Variants in LOXL2 observed in about 807,000 individuals in gnomAD.
LOXL2 encodes the protein lysyl oxidase homolog 2.
LOXL2 carries 70 observed loss-of-function variants against 93.0 expected under a neutral mutation model. The observed-to-expected ratio is 0.75, with a 90% confidence interval of 0.62 to 0.92. The LOEUF is 0.92. Among genes scored for constraint, LOXL2 ranks in the 40% least tolerant of loss-of-function variants. The pLI, the probability that LOXL2 is intolerant of heterozygous loss-of-function variation, is 0.00. For missense variants in LOXL2, 973 were observed against 1,054.9 expected (o/e 0.92, Z 1.08); for synonymous variants, 438 against 413.2 (o/e 1.06, Z -0.73).
chr8:23,330,031 A>C (rs1037198778), intron 5 of LOXL2, among the ~76,000 whole-genome samples: 2 of 152,190 alleles, frequency 1.3e-5, no homozygotes, highest in African/African-American at 4.8e-5. Context: ...GCTTTAAAAA[A>C]AAACCCAAAC....
Position 23,300,657 on chromosome 8 carries a change from G to A in LOXL2, c.2133+1370C>T, listed in dbSNP as rs560047968. Among the ~76,000 whole-genome samples, 18 of 152,314 alleles carry A rather than the reference G, an allele frequency of 1.2e-4. No individual in the cohort carries two copies. The East Asian group carries it at 3.5e-3, about 29-fold the overall frequency. On this transcript the variant is annotated intron_variant, in intron 12 of 13. Coordinates refer to ENST00000389131, the MANE Select transcript of LOXL2 (RefSeq NM_002318.3). Reference sequence around the variant, plus strand: ...CCATTTGCTAATTGTATTGTTTAGGGGTTGAGAAAACAAAATAAAGAGTTG... The same window carrying A: ...CCATTTGCTAATTGTATTGTTTAGGAGTTGAGAAAACAAAATAAAGAGTTG...
At chr8:23,386,270 G>C (rs1344664247) in intron 1 of LOXL2, among the ~76,000 whole-genome samples, 1 of 152,192 alleles carries the variant, frequency 6.6e-6, no homozygotes. Context: ...GCACACACCT[G>C]TAATCCCAGC....
chr8:23,388,698 A>G (rs1035978784), intron 1 of LOXL2, among the ~76,000 whole-genome samples: 1 of 152,046 alleles, frequency 6.6e-6, no homozygotes, highest in Non-Finnish European at 1.5e-5. Context: ...TCCAAAGAAT[A>G]TACAATATTA....
At chr8:23,402,943 G>A (rs1310741884) in intron 1 of LOXL2, among the ~76,000 whole-genome samples, 2 of 152,018 alleles carry the variant, frequency 1.3e-5, no homozygotes, top group Admixed American at 6.6e-5. Flanking sequence ...CGTGTTCTGC[G>A]GTGTTCTCTT....
chr8:23,368,079 G>A lies in LOXL2; in HGVS notation c.273C>T (p.His91=), dbSNP rs200700018. 2.9e-5 allele frequency: 47 copies of A among 1,614,060 alleles called. No homozygotes were observed. The highest frequency in any genetic ancestry group is 1.1e-4 in the East Asian group (5 of 44,876). ...GTVCDDDFSI[H]AAHVVCRELG... ...GCTCCCGGCAGACGACGTGGGCAGC[G>A]TGGATGGAGAAGTCGTCATCGCACA... Residue 91 remains histidine (H), a synonymous_variant, in exon 2 of 14, where the codon CAC becomes CAT. Coordinates refer to ENST00000389131, the MANE Select transcript of LOXL2 (RefSeq NM_002318.3).
chr8:23,393,102 A>G (rs560577522), intron 1 of LOXL2, among the ~76,000 whole-genome samples: 9 of 152,218 alleles, frequency 5.9e-5, no homozygotes, highest in Non-Finnish European at 1.2e-4. Context: ...CATGGACTGG[A>G]AGACTTAAAT....
chr8:23,301,643 G>A (rs1167929970), intron 12 of LOXL2, among the ~76,000 whole-genome samples: 1 of 152,184 alleles, frequency 6.6e-6, no homozygotes, highest in Non-Finnish European at 1.5e-5. Flanking sequence ...AGGCAGCCTA[G>A]GGCACTAGGA....
At chr8:23,402,953 T>C (rs73671447) in intron 1 of LOXL2, among the ~76,000 whole-genome samples, 4,090 of 152,132 alleles carry the variant, frequency 0.027, 205 homozygotes, top group African/African-American at 0.093. Flanking sequence ...GGTGTTCTCT[T>C]CCTCACACCC....
chr8:23,309,730 A>G lies in LOXL2; in HGVS notation c.1818T>C (p.Asn606=), dbSNP rs751671895. ...TCTTGGGCCGGAAGTCGGACTGGCC[A>G]TTGTTGTGGATCTGGGAGGAGAAGC... ...LLRFSSQIHN[N]GQSDFRPKNG... The change falls in exon 10 of 14, where the codon AAT becomes AAC. Residue 606 remains asparagine (N), a synonymous_variant. Transcript: ENST00000389131. The G allele has an allele frequency of 6.3e-7, 1 of 1,594,434 alleles. No homozygotes were observed. The highest frequency in any genetic ancestry group is 8.5e-7 in the Non-Finnish European group (1 of 1,170,648).
intron 13 of LOXL2, 67 bp downstream of exon 13, chr8:23,298,769 C>G (rs1803079200): frequency 1.0e-6 from 1 of 974,694 alleles, no homozygotes. Context: ...AGGAAGCTGC[C>G]TCTGGGTCCT....
At chr8:23,312,813 G>C (rs1373465416) in intron 9 of LOXL2, among the ~76,000 whole-genome samples, 7 of 65,924 alleles carry the variant, frequency 1.1e-4, no homozygotes, top group African/African-American at 2.2e-4. Context: ...AATTAGGCAG[G>C]AGAAGGAAAT....
At chr8:23,331,651 G>T (rs1387294305) in intron 5 of LOXL2, 1 of 152,176 alleles carries the variant, frequency 6.6e-6, no homozygotes, top group Non-Finnish European at 1.5e-5. Flanking sequence ...AAAGGAAGAG[G>T]AGGAGAAAGA....
In LOXL2 at chr8:23,298,108, C is replaced by T. The variant is rs765016338; in HGVS notation, c.2260G>A (p.Glu754Lys). 36 of 1,613,372 alleles carry T rather than the reference C, an allele frequency of 2.2e-5. No homozygotes were observed. The highest frequency in any genetic ancestry group is 1.8e-4 in the South Asian group (16 of 91,044). Residue 754 changes from glutamate to lysine, a missense_variant, in exon 14 of 14, where the codon GAA becomes AAA. Transcript: ENST00000389131. ...TGCTCAAACTTTTTTTCCGTCTCTT[C>T]GCTGAAGGAACCACCTGAAGAGCGA... The part of the protein sequence containing the change: ...YNCHIGGSFS[E>K]ETEKKFEHFS...
chr8:23,394,159 G>A (rs757353048), intron 1 of LOXL2, among the ~76,000 whole-genome samples: 23 of 151,996 alleles, frequency 1.5e-4, no homozygotes, highest in Admixed American at 3.3e-4. Flanking sequence ...TTGGGAGGCC[G>A]AGGTGGGCGG....
chr8:23,378,394 T>A lies in LOXL2; in HGVS notation c.-83-9960A>T, dbSNP rs548369773. Reference sequence around the variant, plus strand: ...AACATTTTTTCCTTCATTTCAACTTTGGTGAATCTGACAATTATGTGTCTT... The same window carrying A: ...AACATTTTTTCCTTCATTTCAACTTAGGTGAATCTGACAATTATGTGTCTT... On this transcript the variant is annotated intron_variant, in intron 1 of 13. Transcript: ENST00000389131. 7.2e-5 allele frequency among the ~76,000 whole-genome samples: 11 copies of A among 152,294 alleles called. No individual in the cohort carries two copies. The South Asian group carries it at 2.3e-3, about 32-fold the overall frequency.
At chr8:23,400,239 G>A (rs1210840788) in intron 1 of LOXL2, among the ~76,000 whole-genome samples, 6 of 152,208 alleles carry the variant, frequency 3.9e-5, no homozygotes, top group South Asian at 2.1e-4. Context: ...AGACATACCC[G>A]AGACTGGGTA....
intron 1 of LOXL2, among the ~76,000 whole-genome samples, chr8:23,373,427 T>C (rs921817505): frequency 2.0e-5 from 3 of 152,156 alleles, no homozygotes; most frequent in African/African-American, 7.2e-5. Context: ...CCTCGAACTC[T>C]TGAGCCCAAG....
At chr8:23,376,948 G>T (rs1248513734) in intron 1 of LOXL2, among the ~76,000 whole-genome samples, 1 of 152,024 alleles carries the variant, frequency 6.6e-6, no homozygotes, top group Admixed American at 6.5e-5. Flanking sequence ...CTTCAGTTCT[G>T]CTCTGATCTT....
At position 23,386,147 on chromosome 8, in the gene LOXL2, A is replaced by G. The variant is rs1585382090; in HGVS notation, c.-83-17713T>C. 8.6e-6 allele frequency: 6 copies of G among 699,948 alleles called. No individual in the cohort carries two copies. In the East Asian group the frequency reaches 1.5e-4, roughly 18 times the overall value. 43.4% of individuals were successfully genotyped at this position (699,948 alleles called of 1,614,324 possible). ...TTTGTAACCAGGCCAGCCAGATACC[A>G]GAGCAGACACCCTTATTCACTAATT... is the stretch of plus-strand genomic sequence containing the variant. On this transcript the variant is annotated intron_variant, in intron 1 of 13. Transcript: ENST00000389131.
Sources: allele counts gnomAD v4.1 joint callset (sites outside exome capture counted in the v4.1 genomes callset), GRCh38; gene constraint gnomAD v4.1.1; transcripts MANE v1.5; gene names NCBI Gene and HGNC (gene_info 2026-07-23, HGNC 2026-07-21).